ANO1: variants seen among roughly 807,000 people sequenced by gnomAD.
The protein encoded by ANO1 is anoctamin-1.
Under a neutral mutation model 124.0 loss-of-function variants are expected in ANO1, and 59 were observed. The ratio of observed to expected loss-of-function variants is 0.48; its 90% confidence interval spans 0.39 to 0.59. The LOEUF (loss-of-function observed/expected upper bound fraction) is 0.59. Among genes scored for constraint, ANO1 ranks in the 20% least tolerant of loss-of-function variants. The pLI is 0.00. For synonymous variants in ANO1, 529 were observed against 532.0 expected, an observed-to-expected ratio of 0.99 and a Z score of 0.08; for missense variants, 1,059 against 1,328.0, an observed-to-expected ratio of 0.80 and a Z score of 3.15.
At chr11:70,094,959 C>A (rs1323082017) in intron 2 of ANO1, among the ~76,000 whole-genome samples, 1 of 152,116 alleles carries the variant, frequency 6.6e-6, no homozygotes, top group Admixed American at 6.6e-5. Context: ...ATAATCCCAG[C>A]ACTTTGGGAG....
chr11:70,084,401 G>T (rs1313543565), intron 1 of ANO1, among the ~76,000 whole-genome samples: 1 of 152,172 alleles, frequency 6.6e-6, no homozygotes. Context: ...GACGGGGATG[G>T]CTCCCAGGTG....
intron 20 of ANO1, among the ~76,000 whole-genome samples, chr11:70,166,673 C>T (rs1427387261): frequency 6.6e-6 from 1 of 152,186 alleles, no homozygotes; most frequent in African/African-American, 2.4e-5. Flanking sequence ...TCCCTGATGC[C>T]TGCTGGGCCC....
intron 6 of ANO1, among the ~76,000 whole-genome samples, chr11:70,108,747 G>A (rs1039739214): frequency 3.9e-5 from 6 of 152,296 alleles, no homozygotes; most frequent in Non-Finnish European, 7.3e-5. Context: ...ACGGTCCAGT[G>A]GGAAGTAATT....
intron 9 of ANO1, among the ~76,000 whole-genome samples, chr11:70,125,300 G>A (rs1018594071): frequency 2.6e-5 from 4 of 151,654 alleles, no homozygotes; most frequent in African/African-American, 7.3e-5. Context: ...CCGAGATCGC[G>A]CCACTGCACT....
At chr11:70,021,168 A>G (rs1220645752) in intron 1 of ANO1, 2 of 152,186 alleles carry the variant, frequency 1.3e-5, no homozygotes, top group Non-Finnish European at 2.9e-5. Flanking sequence ...TCCTGTCCCC[A>G]TGGAATTATC....
In ANO1 at chr11:70,155,906, C is replaced by T. The variant is rs11235438; in HGVS notation, c.1426-5C>T. Reference sequence around the variant, plus strand: ...CGGTGCTCTCTTTCCCCCACCCCCCCTCAGAAGCGCCGGCATATTCCAGAG... The same window carrying T: ...CGGTGCTCTCTTTCCCCCACCCCCCTTCAGAAGCGCCGGCATATTCCAGAG... On this transcript the variant is annotated splice_region_variant and splice_polypyrimidine_tract_variant and intron_variant, in intron 14 of 25. Coordinates refer to ENST00000355303, the MANE Select transcript of ANO1 (RefSeq NM_018043.7). The T allele has an allele frequency of 0.15, 227,302 of 1,540,892 alleles. 18,358 individuals carry two copies. Among genetic ancestry groups the T allele is most frequent in the Non-Finnish European group, 0.17 (189,469 of 1,142,744 alleles).
intron 10 of ANO1, among the ~76,000 whole-genome samples, chr11:70,130,034 T>G (rs773804455): frequency 6.3e-4 from 96 of 152,212 alleles, no homozygotes; most frequent in Non-Finnish European, 9.6e-4. Context: ...CAAGGGACGT[T>G]TATTAAGCAC....
intron 25 of ANO1, among the ~76,000 whole-genome samples, chr11:70,186,919 C>G (rs1288614022): frequency 1.3e-5 from 2 of 152,196 alleles, no homozygotes; most frequent in African/African-American, 2.4e-5. Flanking sequence ...CCTGAGAGCC[C>G]AGCAAGGAGG....
At position 70,161,314 on chromosome 11, in the gene ANO1, C is replaced by G; in HGVS notation, c.1732C>G (p.Leu578Val). 1.2e-6 allele frequency: 2 copies of G among 1,613,916 alleles called. No individual in the cohort carries two copies. The highest frequency in any genetic ancestry group is 1.7e-6 in the Non-Finnish European group (2 of 1,179,804). Reference protein sequence around the residue: ...AVIINLVVIILLDEVYGCIAR... With the variant: ...AVIINLVVIIVLDEVYGCIAR... ...CATCATCAACCTAGTGGTCATCATC[C>G]TCCTGGACGAGGTGTATGGCTGCAT... Residue 578 changes from leucine (L) to valine (V), a missense_variant, in exon 17 of 26, where the codon CTC becomes GTC. This residue lies in a region of ANO1 where 809 missense variants were observed against 1,094.9 expected (regional missense o/e 0.74). Transcript: ENST00000355303.
intron 24 of ANO1, among the ~76,000 whole-genome samples, chr11:70,183,847 G>A (rs930013668): frequency 5.8e-4 from 89 of 152,314 alleles, no homozygotes; most frequent in African/African-American, 2.0e-3. Flanking sequence ...CCCCCACCCC[G>A]GAATTCTCCA....
chr11:70,009,395 G>A (rs1469882597), intron 1 of ANO1, among the ~76,000 whole-genome samples: 1 of 152,316 alleles, frequency 6.6e-6, no homozygotes, highest in East Asian at 1.9e-4. Flanking sequence ...GTCCCTGGTG[G>A]CATCACCTGG....
chr11:69,976,620 G>A, the ANO1 span, among the ~76,000 whole-genome samples: 3 of 150,098 alleles, frequency 2.0e-5, no homozygotes, highest in African/African-American at 7.4e-5. Context: ...GGGGACACAG[G>A]GAGAAGGTGG....
At chr11:70,074,004 CTCCCG>C (rs1565174536), upstream of ANO1, among the ~76,000 whole-genome samples, 10 of 152,180 alleles carry the variant, frequency 6.6e-5, no homozygotes, top group African/African-American at 2.4e-4. Context: ...GTGGTCCCGT[CTCCCG>C]CCCACCATAT....
chr11:69,987,472 A>G (rs1487699348), intron 1 of ANO1, among the ~76,000 whole-genome samples: 2 of 152,152 alleles, frequency 1.3e-5, no homozygotes, highest in African/African-American at 2.4e-5. Context: ...AACTGATGGC[A>G]CCAAGATTAG....
chr11:70,159,341 C>G (rs1239551994), intron 16 of ANO1, among the ~76,000 whole-genome samples: 2 of 152,164 alleles, frequency 1.3e-5, no homozygotes, highest in East Asian at 3.9e-4. Flanking sequence ...AACTGTTTCA[C>G]GTGGCCACCT....
intron 1 of ANO1, among the ~76,000 whole-genome samples, chr11:69,987,803 T>C (rs1172964587): frequency 6.6e-6 from 1 of 152,150 alleles, no homozygotes; most frequent in Non-Finnish European, 1.5e-5. Flanking sequence ...TTATAGGCTT[T>C]ACATTTGGGC....
intron 2 of ANO1, among the ~76,000 whole-genome samples, chr11:70,100,709 T>G (rs1590730902): frequency 6.6e-6 from 1 of 152,300 alleles, no homozygotes; most frequent in East Asian, 1.9e-4. Context: ...GAAATGAGGA[T>G]GATGACAGGA....
At chr11:70,163,131 T>C (rs1194315138) in intron 18 of ANO1, among the ~76,000 whole-genome samples, 152 bp from the exon 19 acceptor site, 1 of 152,230 alleles carries the variant, frequency 6.6e-6, no homozygotes, top group Non-Finnish European at 1.5e-5. Flanking sequence ...GGTCATCTTT[T>C]AGCAGATGCA....
chr11:70,005,828 C>T (rs182467709), intron 1 of ANO1, among the ~76,000 whole-genome samples: 1 of 152,306 alleles, frequency 6.6e-6, no homozygotes. Flanking sequence ...GAGCAGACGT[C>T]TGTCCTGTCT....
Sources: allele counts gnomAD v4.1 joint callset (sites outside exome capture counted in the v4.1 genomes callset), GRCh38; gene constraint gnomAD v4.1.1; regional missense constraint gnomAD v4.1.1; transcripts MANE v1.5; gene names NCBI Gene and HGNC (gene_info 2026-07-23, HGNC 2026-07-21).